The following PMPCB variants were observed in gnomAD, a reference collection of about 807,000 sequenced individuals.
PMPCB encodes peptidase, mitochondrial processing subunit beta, also known as mitochondrial-processing peptidase subunit beta.
PMPCB carries 46 observed loss-of-function variants against 61.5 expected under a neutral mutation model. That is an observed-to-expected ratio of 0.75 (90% CI 0.59 to 0.96). PMPCB has a LOEUF of 0.96. Ranked by LOEUF, PMPCB falls within the 40% of genes least tolerant of loss-of-function variation. The probability of loss-of-function intolerance (pLI) is 0.00; values close to 1 mark genes in which losing one functional copy is unlikely to be tolerated. For missense variants in PMPCB, 590 were observed against 602.4 expected, an observed-to-expected ratio of 0.98 and a Z score of 0.22; for synonymous variants, 191 against 201.6, an observed-to-expected ratio of 0.95 and a Z score of 0.44.
At chr7:103,334,777 AATT>A in the PMPCB span, among the ~76,000 whole-genome samples, 1 of 151,948 alleles carries the variant, frequency 6.6e-6, no homozygotes, top group East Asian at 1.9e-4. Flanking sequence ...AGCATAATAA[AATT>A]ATTTATTTCA....
intron 4 of PMPCB, among the ~76,000 whole-genome samples, chr7:103,301,589 G>A (rs940113212): frequency 1.3e-5 from 2 of 152,178 alleles, no homozygotes; most frequent in African/African-American, 4.8e-5. Context: ...AGCTGGGAAC[G>A]ACAGAGCTTC....
In PMPCB at chr7:103,304,582, A is replaced by G. The variant is rs1320003104; in HGVS notation, c.736+92A>G. On this transcript the variant is annotated intron_variant, in intron 6 of 12. Coordinates refer to ENST00000249269, the MANE Select transcript of PMPCB (RefSeq NM_004279.3). ...GATCCTGTTGGGAGATACCCTAAGA[A>G]TTTTCATTTACATAGCAAATAACTG... 7 of 823,524 alleles carry G rather than the reference A, an allele frequency of 8.5e-6. No individual in the cohort carries two copies. In the African/African-American group the frequency reaches 1.0e-4, roughly 12 times the overall value. The allele number at this position is 823,524 out of a possible 1,614,324, so 51.0% of individuals were successfully genotyped here.
At chr7:103,328,181 G>A (rs967078405) in intron 12 of PMPCB, among the ~76,000 whole-genome samples, 7 of 150,992 alleles carry the variant, frequency 4.6e-5, no homozygotes, top group Admixed American at 6.6e-5. Flanking sequence ...CTCGGCCTCC[G>A]AAAGTGCTGG....
intron 12 of PMPCB, among the ~76,000 whole-genome samples, chr7:103,325,900 CGATT>C: frequency 6.6e-6 from 1 of 152,054 alleles, no homozygotes. Flanking sequence ...AGTAGTATAC[CGATT>C]GATAAAGAGG....
At chr7:103,309,661 C>G (rs1026016887) in intron 8 of PMPCB, among the ~76,000 whole-genome samples, 1 of 152,186 alleles carries the variant, frequency 6.6e-6, no homozygotes. Context: ...CCACAGGGAT[C>G]TGGGAACCAA....
the PMPCB span, among the ~76,000 whole-genome samples, chr7:103,340,823 T>C: frequency 6.6e-6 from 1 of 152,238 alleles, no homozygotes; most frequent in Non-Finnish European, 1.5e-5. Flanking sequence ...AACCTCTTTT[T>C]GGAGTCATAG....
intron 12 of PMPCB, among the ~76,000 whole-genome samples, chr7:103,320,290 A>G (rs1333466762): frequency 1.3e-5 from 2 of 151,574 alleles, no homozygotes; most frequent in South Asian, 2.1e-4. Context: ...GGGTTTCACC[A>G]TTTTGGCCAG....
At position 103,305,938 on chromosome 7, in the gene PMPCB, G is replaced by A. The variant is rs138566803; in HGVS notation, c.736+1448G>A. ...TCTCTGCCATTGTTGGTGGCATGTG[G>A]ACAAAATGAGTTTTACTTTGGTTCA... On this transcript the variant is annotated intron_variant, in intron 6 of 12. Coordinates refer to ENST00000249269, the MANE Select transcript of PMPCB (RefSeq NM_004279.3). Among the ~76,000 whole-genome samples, 192 of 152,298 alleles carry A rather than the reference G, an allele frequency of 1.3e-3. 2 individuals carry two copies. Among genetic ancestry groups the A allele is most frequent in the African/African-American group, 4.6e-3 (190 of 41,564 alleles).
At position 103,298,820 on chromosome 7, in the gene PMPCB, T is replaced by C. The variant is rs1014246028; in HGVS notation, c.240+112T>C. The stretch of plus-strand genomic sequence containing the variant: ...GGTGGTTCAAAAAGGGTGACAGTTA[T>C]TTTGCCTTGACAGATTTCCATGAGT... On this transcript the variant is annotated intron_variant, in intron 2 of 12. Transcript: ENST00000249269. 5.1e-5 allele frequency: 51 copies of C among 1,009,406 alleles called. No homozygotes were observed. In the Admixed American group the frequency reaches 1.3e-3, roughly 25 times the overall value. 62.5% of individuals were successfully genotyped at this position (1,009,406 alleles called of 1,614,324 possible). A position where few individuals can be genotyped will look rare whatever the true frequency, so the allele number is the denominator to read the frequency against.
the PMPCB span, chr7:103,337,853 C>T: frequency 7.2e-7 from 1 of 1,392,582 alleles, no homozygotes; most frequent in Admixed American, 1.7e-5. Context: ...TGAAATGAAG[C>T]CAATATATTC....
chr7:103,320,234 G>A (rs1586075164), intron 12 of PMPCB, among the ~76,000 whole-genome samples: 1 of 151,784 alleles, frequency 6.6e-6, no homozygotes. Flanking sequence ...AATTACAGGC[G>A]CCTGCCACCA....
At chr7:103,304,118 T>C in intron 5 of PMPCB, 78 bp downstream of exon 5, 6 of 1,181,342 alleles carry the variant, frequency 5.1e-6, no homozygotes, top group Non-Finnish European at 4.9e-6. Flanking sequence ...TTTCAAAAAG[T>C]ATGTTTCAGA....
chr7:103,331,291 C>A (rs1818960035), downstream of PMPCB, among the ~76,000 whole-genome samples: 1 of 152,176 alleles, frequency 6.6e-6, no homozygotes, highest in Non-Finnish European at 1.5e-5. Flanking sequence ...CATGCATAAA[C>A]CACGTAATGA....
intron 4 of PMPCB, among the ~76,000 whole-genome samples, chr7:103,303,401 G>A (rs1032538595): frequency 3.9e-5 from 6 of 152,182 alleles, no homozygotes; most frequent in African/African-American, 1.4e-4. Context: ...TGTGAGCCAC[G>A]GTGCCTGACC....
the PMPCB span, among the ~76,000 whole-genome samples, chr7:103,339,586 A>G: frequency 6.7e-6 from 1 of 149,986 alleles, no homozygotes; most frequent in Middle Eastern, 3.5e-3. Context: ...CGAAACTTTT[A>G]GTTTGCCAAA....
the PMPCB span, among the ~76,000 whole-genome samples, chr7:103,343,730 T>C: frequency 6.6e-6 from 1 of 152,232 alleles, no homozygotes; most frequent in Non-Finnish European, 1.5e-5. Flanking sequence ...TTCCTCCACC[T>C]TACACAGGAG....
chr7:103,343,269 G>T, the PMPCB span, among the ~76,000 whole-genome samples: 1 of 152,176 alleles, frequency 6.6e-6, no homozygotes, highest in Non-Finnish European at 1.5e-5. Flanking sequence ...CCAAAGTGCT[G>T]GGATTATAGA....
intron 12 of PMPCB, chr7:103,322,003 C>T (rs544373831): frequency 6.2e-7 from 1 of 1,613,742 alleles, no homozygotes; most frequent in South Asian, 1.1e-5. Flanking sequence ...TCCTTCTTTG[C>T]CAGCAATGCT....
chr7:103,308,916 T>C, intron 7 of PMPCB, 36 bp from the exon 8 acceptor site: 1 of 1,501,486 alleles, frequency 6.7e-7, no homozygotes, highest in African/African-American at 1.4e-5. Context: ...ATAATGTTAA[T>C]CTTAACTAGA....
Sources: gnomAD v4.1 joint callset for allele counts (sites outside exome capture counted in the v4.1 genomes callset) on GRCh38, gnomAD v4.1.1 for gene constraint, MANE v1.5 for transcripts, NCBI Gene and HGNC (gene_info 2026-07-23, HGNC 2026-07-21) for gene names.